The following COBL variants were observed in gnomAD, a reference collection of about 807,000 sequenced individuals.
COBL encodes the protein protein cordon-bleu.
In COBL, 51 loss-of-function variants were observed where a neutral mutation model predicts 98.8. That is an observed-to-expected ratio of 0.52 (90% confidence interval 0.41 to 0.65). The LOEUF (loss-of-function observed/expected upper bound fraction) is 0.65, where lower values mean the gene tolerates loss of function less well. Ranked by LOEUF, COBL falls within the 30% of genes least tolerant of loss-of-function variation. COBL has a pLI of 0.00. For synonymous variants in COBL, 634 were observed against 651.7 expected (o/e 0.97, Z 0.41); for missense variants, 1,617 against 1,617.5 (o/e 1.00, Z 0.01).
chr7:51,123,843 C>T (rs1457210741), intron 6 of COBL, among the ~76,000 whole-genome samples: 1 of 152,178 alleles, frequency 6.6e-6, no homozygotes, highest in Non-Finnish European at 1.5e-5. Flanking sequence ...TCACCCACAT[C>T]ACCCCAGGCA....
intron 7 of COBL, among the ~76,000 whole-genome samples, chr7:51,047,696 C>T (rs981426015): frequency 1.3e-5 from 2 of 152,172 alleles, no homozygotes; most frequent in African/African-American, 4.8e-5. Flanking sequence ...GCTACCTCGC[C>T]ACCTCACACT....
intron 1 of COBL, among the ~76,000 whole-genome samples, chr7:51,268,933 A>T (rs1316286941): frequency 1.9e-4 from 7 of 36,222 alleles, no homozygotes; most frequent in East Asian, 9.9e-4. Flanking sequence ...CCGTCTCAAT[A>T]AAAAAAAAAA....
chr7:51,186,832 T>A (rs1554420901), intron 4 of COBL, among the ~76,000 whole-genome samples: 1 of 152,114 alleles, frequency 6.6e-6, no homozygotes, highest in Non-Finnish European at 1.5e-5. Context: ...GGGAGCAAAG[T>A]AGGAGAACTC....
At chr7:51,302,168 T>C (rs961356320) in intron 1 of COBL, among the ~76,000 whole-genome samples, 1 of 152,188 alleles carries the variant, frequency 6.6e-6, no homozygotes, top group Non-Finnish European at 1.5e-5. Flanking sequence ...CCCAGCATAA[T>C]AAATTTGGAG....
intron 1 of COBL, among the ~76,000 whole-genome samples, chr7:51,304,586 A>G (rs1254729858): frequency 1.3e-5 from 2 of 152,252 alleles, no homozygotes; most frequent in Non-Finnish European, 2.9e-5. Flanking sequence ...GGTAGCAGTA[A>G]TATTTCCTAC....
intron 7 of COBL, among the ~76,000 whole-genome samples, chr7:51,060,047 C>T (rs1360344268): frequency 6.6e-6 from 1 of 152,116 alleles, no homozygotes; most frequent in Non-Finnish European, 1.5e-5. Flanking sequence ...CGGATGCCTC[C>T]ATGAGTCGAT....
At chr7:51,253,546 AT>A (rs1490654838) in intron 1 of COBL, among the ~76,000 whole-genome samples, 1 of 152,204 alleles carries the variant, frequency 6.6e-6, no homozygotes, top group African/African-American at 2.4e-5. Context: ...ATTGCTATTT[AT>A]TTTGTATTTC....
chr7:51,106,152 C>T (rs990515397), intron 6 of COBL, among the ~76,000 whole-genome samples: 20 of 140,806 alleles, frequency 1.4e-4, no homozygotes, highest in African/African-American at 5.4e-4. Flanking sequence ...TGCAGTGAGC[C>T]GAGATCGTGC....
chr7:51,024,380 G>T (rs1787287147), intron 12 of COBL, among the ~76,000 whole-genome samples: 1 of 152,236 alleles, frequency 6.6e-6, no homozygotes, highest in Non-Finnish European at 1.5e-5. Context: ...CCAATTATTA[G>T]CATAACTCCC....
At chr7:51,153,800 A>G (rs1246074102) in intron 5 of COBL, among the ~76,000 whole-genome samples, 2 of 152,134 alleles carry the variant, frequency 1.3e-5, no homozygotes, top group Admixed American at 1.3e-4. Context: ...TCTCCCTTTC[A>G]GTGATTCCAA....
At chr7:51,229,785 G>A (rs1209150460) in intron 1 of COBL, among the ~76,000 whole-genome samples, 6 of 152,140 alleles carry the variant, frequency 3.9e-5, no homozygotes, top group South Asian at 2.1e-4. Context: ...CTTGAAAGCC[G>A]TATTTGGTTT....
At chr7:51,020,018 C>T (rs1172168685) in intron 12 of COBL, among the ~76,000 whole-genome samples, 6 of 152,182 alleles carry the variant, frequency 3.9e-5, no homozygotes, top group African/African-American at 1.4e-4. Flanking sequence ...AGTGTCATGA[C>T]GCGTGTGGCC....
At chr7:51,039,332 C>T (rs1337010860) in intron 8 of COBL, among the ~76,000 whole-genome samples, 1 of 152,230 alleles carries the variant, frequency 6.6e-6, no homozygotes, top group Non-Finnish European at 1.5e-5. Flanking sequence ...GTGGTGGGTT[C>T]TGCGCTCTCA....
intron 1 of COBL, among the ~76,000 whole-genome samples, chr7:51,240,467 C>T (rs924747387): frequency 2.0e-5 from 3 of 152,302 alleles, no homozygotes; most frequent in South Asian, 2.1e-4. Context: ...GACTTGAGTG[C>T]GGCTCAAGTG....
chr7:51,093,149 CA>C (rs775099842), intron 6 of COBL, among the ~76,000 whole-genome samples: 10 of 151,798 alleles, frequency 6.6e-5, no homozygotes, highest in Non-Finnish European at 1.2e-4. Context: ...GGCTAATAAC[CA>C]AAATATGTAA....
chr7:51,231,146 T>C (rs1162841440), intron 1 of COBL, among the ~76,000 whole-genome samples: 2 of 152,246 alleles, frequency 1.3e-5, no homozygotes, highest in Non-Finnish European at 2.9e-5. Context: ...AAAAATTAAG[T>C]AATTTCATTC....
chr7:51,080,315 T>C (rs1313063352), intron 7 of COBL, among the ~76,000 whole-genome samples: 3 of 152,218 alleles, frequency 2.0e-5, no homozygotes, highest in East Asian at 1.9e-4. Flanking sequence ...TAGTGGACAC[T>C]GGTTTTCAAA....
chr7:51,079,966 T>C lies in COBL; in HGVS notation c.1096+5200A>G, dbSNP rs563653725. ...GGTAAATGTGGTTTTCATGACCAAA[T>C]ATCAAGTACTAATAACAGTTTCAGC... On this transcript the variant is annotated intron_variant, in intron 7 of 12. Coordinates refer to ENST00000265136, the MANE Select transcript of COBL (RefSeq NM_015198.5). Among the ~76,000 whole-genome samples, 3 of 152,342 alleles carry C rather than the reference T, an allele frequency of 2.0e-5. No homozygotes were observed. In the South Asian group the frequency reaches 6.2e-4, roughly 32 times the overall value.
intron 8 of COBL, chr7:51,031,159 A>T: frequency 2.2e-6 from 1 of 452,452 alleles, no homozygotes; most frequent in Non-Finnish European, 3.9e-6. Context: ...TATGTCTTGT[A>T]TGTGGTGGAC....
Sources: gnomAD v4.1 joint callset for allele counts (sites outside exome capture counted in the v4.1 genomes callset) on GRCh38, gnomAD v4.1.1 for gene constraint, MANE v1.5 for transcripts, NCBI Gene and HGNC (gene_info 2026-07-23, HGNC 2026-07-21) for gene names.